Variants in GPC5 observed in about 807,000 individuals in gnomAD.
GPC5 encodes glypican 5.
A neutral mutation model predicts 53.9 loss-of-function variants in GPC5; 47 were observed. That is an observed-to-expected ratio of 0.87 (90% CI 0.69 to 1.11). The LOEUF is 1.11. GPC5 is among the 50% of genes most tolerant of loss of function. GPC5 has a pLI of 0.00. For synonymous variants in GPC5, 286 were observed against 263.3 expected (o/e 1.09, Z -0.84); for missense variants, 748 against 713.1 (o/e 1.05, Z -0.56).
At chr13:91,618,087 T>A (rs2033747643) in intron 2 of GPC5, among the ~76,000 whole-genome samples, 1 of 152,140 alleles carries the variant, frequency 6.6e-6, no homozygotes, top group Non-Finnish European at 1.5e-5. Context: ...CTGTAGTTTG[T>A]CAAACCCTGT....
intron 7 of GPC5, among the ~76,000 whole-genome samples, chr13:92,767,462 C>G (rs1482314995): frequency 6.6e-6 from 1 of 152,108 alleles, no homozygotes; most frequent in Non-Finnish European, 1.5e-5. Context: ...CATAGCAAGA[C>G]TGTCCAAAAA....
chr13:92,859,944 C>T (rs905517447), intron 7 of GPC5, among the ~76,000 whole-genome samples: 3 of 151,890 alleles, frequency 2.0e-5, no homozygotes, highest in African/African-American at 7.3e-5. Context: ...AACAATATTC[C>T]CTTCATCTTT....
At chr13:91,433,858 A>G (rs1365043759) in intron 1 of GPC5, among the ~76,000 whole-genome samples, 3 of 151,872 alleles carry the variant, frequency 2.0e-5, no homozygotes, top group African/African-American at 7.2e-5. Flanking sequence ...CCTCTCCAGC[A>G]CCTGTTGTTT....
At chr13:91,720,565 C>A (rs2036441759) in intron 3 of GPC5, among the ~76,000 whole-genome samples, 1 of 152,120 alleles carries the variant, frequency 6.6e-6, no homozygotes, top group African/African-American at 2.4e-5. Flanking sequence ...CACTGTCTTT[C>A]CCCTATGCTC....
intron 7 of GPC5, among the ~76,000 whole-genome samples, chr13:92,772,167 A>G (rs1353167037): frequency 6.6e-6 from 1 of 152,126 alleles, no homozygotes; most frequent in Non-Finnish European, 1.5e-5. Flanking sequence ...CCCCTGAAAT[A>G]GCCTCCCACT....
chr13:92,831,060 C>T (rs950200788), intron 7 of GPC5, among the ~76,000 whole-genome samples: 3 of 152,160 alleles, frequency 2.0e-5, no homozygotes, highest in African/African-American at 4.8e-5. Context: ...AAGCCCCATT[C>T]GGCTGGTGAA....
At chr13:91,707,620 C>CA (rs1021484679) in intron 3 of GPC5, among the ~76,000 whole-genome samples, 4 of 151,170 alleles carry the variant, frequency 2.6e-5, no homozygotes, top group African/African-American at 4.9e-5. Context: ...GGCCCTGTCT[C>CA]AAAAAAAATA....
chr13:91,960,687 G>T (rs2040118363), intron 6 of GPC5, among the ~76,000 whole-genome samples: 1 of 151,822 alleles, frequency 6.6e-6, no homozygotes, highest in Non-Finnish European at 1.5e-5. Context: ...AAACAACATG[G>T]TATGTATATA....
At chr13:91,998,485 A>G (rs924747603) in intron 6 of GPC5, among the ~76,000 whole-genome samples, 3 of 152,180 alleles carry the variant, frequency 2.0e-5, no homozygotes, top group African/African-American at 7.2e-5. Flanking sequence ...AGGCTTTCCA[A>G]TCCATAAACA....
chr13:92,791,424 TG>T (rs60469699), intron 7 of GPC5, among the ~76,000 whole-genome samples: 1,733 of 66,412 alleles, frequency 0.026, 40 homozygotes, highest in African/African-American at 0.079. Context: ...TGTGAGTGTG[TG>T]GGGGGGGGCG....
At chr13:92,320,984 T>A (rs1000086608) in intron 7 of GPC5, among the ~76,000 whole-genome samples, 2 of 152,186 alleles carry the variant, frequency 1.3e-5, no homozygotes, top group African/African-American at 4.8e-5. Flanking sequence ...ATGAGTTATT[T>A]TACTTGATAT....
chr13:92,004,457 A>AAATT (rs1283322682), intron 6 of GPC5, among the ~76,000 whole-genome samples: 3 of 30,260 alleles, frequency 9.9e-5, no homozygotes, highest in African/African-American at 2.8e-4. Context: ...AAAAAAAAAA[A>AAATT]TTATATATAT....
chr13:92,373,649 A>C (rs552618023), intron 7 of GPC5, among the ~76,000 whole-genome samples: 5 of 152,202 alleles, frequency 3.3e-5, no homozygotes, highest in Non-Finnish European at 7.3e-5. Context: ...CCCTGATAAT[A>C]TTCTGTTGTT....
At chr13:91,704,683 C>T (rs190427399) in intron 3 of GPC5, among the ~76,000 whole-genome samples, 36 of 152,338 alleles carry the variant, frequency 2.4e-4, no homozygotes, top group African/African-American at 8.4e-4. Flanking sequence ...AACAGTGCCT[C>T]TCAACTTTCT....
chr13:91,840,153 T>TA (rs917831929), intron 5 of GPC5, among the ~76,000 whole-genome samples: 1 of 151,506 alleles, frequency 6.6e-6, no homozygotes, highest in Non-Finnish European at 1.5e-5. Context: ...GCTTCAACAT[T>TA]AAAAAAAAAT....
chr13:92,131,773 A>G (rs1036542030), intron 6 of GPC5, among the ~76,000 whole-genome samples: 3 of 151,942 alleles, frequency 2.0e-5, no homozygotes, highest in Admixed American at 6.6e-5. Flanking sequence ...TTCCATGTAT[A>G]TGAACCTATG....
At chr13:92,610,590 A>G (rs539646432) in intron 7 of GPC5, among the ~76,000 whole-genome samples, 1 of 152,208 alleles carries the variant, frequency 6.6e-6, no homozygotes, top group Non-Finnish European at 1.5e-5. Context: ...AATTAAGATT[A>G]ATCTCTTTAT....
chr13:92,531,395 A>G (rs1438831693), intron 7 of GPC5, among the ~76,000 whole-genome samples: 1 of 151,984 alleles, frequency 6.6e-6, no homozygotes, highest in Non-Finnish European at 1.5e-5. Flanking sequence ...TAAAATATAT[A>G]GAGAGAAATA....
intron 7 of GPC5, among the ~76,000 whole-genome samples, chr13:92,561,680 C>T (rs757640924): frequency 2.6e-5 from 4 of 152,012 alleles, no homozygotes; most frequent in Admixed American, 6.6e-5. Context: ...TCTTCTCTCT[C>T]TACAACTGAT....
Sources: allele counts gnomAD v4.1 joint callset (sites outside exome capture counted in the v4.1 genomes callset), GRCh38; gene constraint gnomAD v4.1.1; transcripts MANE v1.5; gene names NCBI Gene and HGNC (gene_info 2026-07-23, HGNC 2026-07-21).